The following MMP9 variants were observed in gnomAD, a reference collection of about 807,000 sequenced individuals.
The protein encoded by MMP9 is matrix metallopeptidase 9, also known as matrix metalloproteinase-9.
MMP9 carries 73 observed loss-of-function variants against 76.4 expected under a neutral mutation model. That is an observed-to-expected ratio of 0.96 (90% CI 0.79 to 1.16). The LOEUF is 1.16. MMP9 is among the 50% of genes most tolerant of loss of function. The pLI is 0.00. For synonymous variants in MMP9, 412 were observed against 408.4 expected (o/e 1.01, Z -0.11); for missense variants, 943 against 973.0 (o/e 0.97, Z 0.41).
chr20:46,010,185 C>A, intron 2 of MMP9, 87 bp downstream of exon 2: 1 of 1,244,086 alleles, frequency 8.0e-7, no homozygotes, highest in Non-Finnish European at 1.1e-6. Flanking sequence ...CTGTCTTGGA[C>A]GCGTCCCTGG....
At chr20:46,010,366 A>G in intron 2 of MMP9, 117 bp from the exon 3 acceptor site, 1 of 1,026,230 alleles carries the variant, frequency 9.7e-7, no homozygotes. Flanking sequence ...TTTATAGATG[A>G]GAGCGTGGAC....
intron 8 of MMP9, 74 bp downstream of exon 8, chr20:46,012,656 T>TGGGGGGGTG: frequency 1.0e-6 from 1 of 969,062 alleles, no homozygotes; most frequent in Non-Finnish European, 1.5e-6. Context: ...AATTGGGGGT[T>TGGGGGGGTG]GGGGATCGGG....
intron 1 of MMP9, 46 bp from the exon 2 acceptor site, chr20:46,009,820 A>G (rs1467539822): frequency 4.0e-6 from 6 of 1,517,194 alleles, no homozygotes; most frequent in South Asian, 2.4e-5. Flanking sequence ...AGCTGGGCAG[A>G]GAAAGGGGTC....
At chr20:46,015,039 G>C (rs1416666342) in intron 12 of MMP9, among the ~76,000 whole-genome samples, 1 of 152,090 alleles carries the variant, frequency 6.6e-6, no homozygotes, top group Admixed American at 6.6e-5. Flanking sequence ...AAACCATACT[G>C]GCTGTCCAGG....
chr20:46,013,934 A>T lies in MMP9; in HGVS notation c.1750+138A>T. 1 of 1,429,622 alleles carries T rather than the reference A, an allele frequency of 7.0e-7. No individual in the cohort carries two copies. The highest frequency in any genetic ancestry group is 9.5e-7 in the Non-Finnish European group (1 of 1,051,676). The allele number at this position is 1,429,622 out of a possible 1,614,324, so 88.6% of individuals were successfully genotyped here. A position where few individuals can be genotyped will look rare whatever the true frequency, so the allele number is the denominator to read the frequency against. On this transcript the variant is annotated intron_variant, in intron 10 of 12. Coordinates refer to ENST00000372330, the MANE Select transcript of MMP9 (RefSeq NM_004994.3). The surrounding 1 kb of genome is among the most constrained non-coding windows in gnomAD (Gnocchi z 4.5). ...CTGGCGGACGCAGTTTAGCAAACGTAGGGGCGGCTGAGTTTCTGCCCCCTC... is the reference window on the plus strand; with the variant it reads ...CTGGCGGACGCAGTTTAGCAAACGTTGGGGCGGCTGAGTTTCTGCCCCCTC...
chr20:46,012,476 C>A lies in MMP9; in HGVS notation c.1224C>A (p.Gly408=). 1 of 1,614,156 alleles carries A rather than the reference C, an allele frequency of 6.2e-7. No individual in the cohort carries two copies. Among genetic ancestry groups the A allele is most frequent in the Non-Finnish European group, 8.5e-7 (1 of 1,180,012 alleles). Residue 408 remains glycine, a synonymous_variant, in exon 8 of 13, where the codon GGC becomes GGA. Transcript: ENST00000372330. ...CGCATGAGTTCGGCCACGCGCTGGG[C>A]TTAGATCATTCCTCAGTGCCGGAGG... ...VAAHEFGHAL[G]LDHSSVPEAL...
chr20:46,014,359 G>C lies in MMP9; in HGVS notation c.1902-12G>C. 1 of 1,546,328 alleles carries C rather than the reference G, an allele frequency of 6.5e-7. No homozygotes were observed. The highest frequency in any genetic ancestry group is 2.4e-5 in the East Asian group (1 of 40,914). On this transcript the variant is annotated splice_polypyrimidine_tract_variant and intron_variant, in intron 11 of 12. Transcript: ENST00000372330. ...CCGGCTCAGCACCTGTCTCCTCCGC[G>C]CCTGCCCGCAGGTTCGACGTGAAGG...
Position 46,013,694 on chromosome 20 carries a change from C to G in MMP9, c.1648C>G (p.Pro550Ala). 6.2e-7 allele frequency: 1 copy of G among 1,613,826 alleles called. No homozygotes were observed. Among genetic ancestry groups the G allele is most frequent in the African/African-American group, 1.3e-5 (1 of 74,976 alleles). The change falls in exon 10 of 13, where the codon CCG becomes GCG. Residue 550 changes from proline (P) to alanine (A), a missense_variant. Pro to Ala is a conservative substitution (Grantham distance 27). Transcript: ENST00000372330. This position sits in a 1 kb window ranked among gnomAD's most constrained non-coding sequence, Gnocchi z 4.5. ...ATTCTCTGAGGGCAGGGGGAGCCGG[C>G]CGCAGGGCCCCTTCCTTATCGCCGA... ...WRFSEGRGSR[P>A]QGPFLIADKW...
intron 8 of MMP9, 143 bp downstream of exon 8, chr20:46,012,725 G>C: frequency 1.6e-6 from 2 of 1,243,268 alleles, no homozygotes; most frequent in South Asian, 2.8e-5. Context: ...AGCAGAGCCT[G>C]GGCCCAGTCG....
In MMP9 at chr20:46,014,157, T is replaced by C; in HGVS notation, c.1784T>C (p.Val595Ala). Reference sequence around the variant, plus strand: ...GTGTGGGTGTACACAGGCGCGTCGGTGCTGGGCCCGAGGCGTCTGGACAAG... The same window carrying C: ...GTGTGGGTGTACACAGGCGCGTCGGCGCTGGGCCCGAGGCGTCTGGACAAG... ...RQVWVYTGASVLGPRRLDKLG... is the reference protein window; with the variant it reads ...RQVWVYTGASALGPRRLDKLG... The change falls in exon 11 of 13, where the codon GTG (valine) becomes GCG (alanine). Residue 595 changes from valine (V) to alanine (A), a missense_variant. Transcript: ENST00000372330. The C allele has an allele frequency of 6.5e-7, 1 of 1,537,372 alleles. No homozygotes were observed. The highest frequency in any genetic ancestry group is 8.7e-7 in the Non-Finnish European group (1 of 1,146,452).
chr20:46,010,329 A>ACAAACAAAC (rs61268200), intron 2 of MMP9, among the ~76,000 whole-genome samples, 154 bp from the exon 3 acceptor site: 1 of 143,740 alleles, frequency 7.0e-6, no homozygotes, highest in Non-Finnish European at 1.5e-5. Context: ...GACAAAAAAA[A>ACAAACAAAC]AAAAAAAAAA....
Position 46,012,417 on chromosome 20 carries a change from C to T in MMP9, c.1175-10C>T. The T allele has an allele frequency of 6.2e-7, 1 of 1,614,048 alleles. No individual in the cohort carries two copies. On this transcript the variant is annotated splice_polypyrimidine_tract_variant and intron_variant, in intron 7 of 12. Coordinates refer to ENST00000372330, the MANE Select transcript of MMP9 (RefSeq NM_004994.3). The stretch of plus-strand genomic sequence containing the variant: ...CCGGCGCTCACGTCTCAGGCTCCCT[C>T]TCCCTCCAGGATACAGTTTGTTCCT...
In MMP9 at chr20:46,010,333, A is replaced by AAC. The variant is rs1555856969; in HGVS notation, c.372-149_372-148insCA. On this transcript the variant is annotated intron_variant, in intron 2 of 12. Coordinates refer to ENST00000372330, the MANE Select transcript of MMP9 (RefSeq NM_004994.3). Reference sequence around the variant, plus strand: ...GGGTCTAAGTAGACAAAAAAAAAAAAAAAAAAAACAGTCTGGAAGCAATTT... The same window carrying AAC: ...GGGTCTAAGTAGACAAAAAAAAAAAAACAAAAAAAACAGTCTGGAAGCAATTT... The AAC allele has an allele frequency of 5.7e-5, 47 of 828,922 alleles. 2 individuals carry two copies. The African/African-American group carries it at 9.0e-4, about 16-fold the overall frequency. The allele number at this position is 828,922 out of a possible 1,614,324, so 51.3% of individuals were successfully genotyped here. A position where few individuals can be genotyped will look rare whatever the true frequency, so the allele number is the denominator to read the frequency against.
In MMP9 at chr20:46,010,948, G is replaced by C; in HGVS notation, c.547G>C (p.Gly183Arg). 6.2e-7 allele frequency: 1 copy of C among 1,614,220 alleles called. No individual in the cohort carries two copies. The highest frequency in any genetic ancestry group is 8.5e-7 in the Non-Finnish European group (1 of 1,180,034). Residue 183 changes from glycine to arginine, a missense_variant, in exon 4 of 13, where the codon GGG becomes CGG. Physicochemically the swap from Gly to Arg is moderately radical, Grantham distance 125. Coordinates refer to ENST00000372330, the MANE Select transcript of MMP9 (RefSeq NM_004994.3). ...AEHGDGYPFD[G>R]KDGLLAHAFP... Reference sequence around the variant, plus strand: ...GCACGGAGACGGGTATCCCTTCGACGGGAAGGACGGGCTCCTGGCACACGC... The same window carrying C: ...GCACGGAGACGGGTATCCCTTCGACCGGAAGGACGGGCTCCTGGCACACGC...
At position 46,010,635 on chromosome 20, in the gene MMP9, A is replaced by G. The variant is rs953059929; in HGVS notation, c.520+4A>G. The G allele has an allele frequency of 1.9e-6, 3 of 1,612,364 alleles. No individual in the cohort carries two copies. The highest frequency in any genetic ancestry group is 2.7e-5 in the African/African-American group (2 of 74,916). On this transcript the variant is annotated splice_donor_region_variant and intron_variant, in intron 3 of 12. Transcript: ENST00000372330. Reference sequence around the variant, plus strand: ...GTCATCCAGTTTGGTGTCGCGGGTGAGAACGTGAGGAGGGAAAATCCAAGA... The same window carrying G: ...GTCATCCAGTTTGGTGTCGCGGGTGGGAACGTGAGGAGGGAAAATCCAAGA...
intron 6 of MMP9, 126 bp downstream of exon 6, chr20:46,011,873 C>G (rs2084282163): frequency 8.3e-7 from 1 of 1,211,964 alleles, no homozygotes; most frequent in Non-Finnish European, 1.2e-6. Flanking sequence ...GACCGTGACT[C>G]CGCCCACCTA....
Position 46,012,445 on chromosome 20 carries a change from T to C in MMP9, c.1193T>C (p.Val398Ala). The change falls in exon 8 of 13, where the codon GTG (valine) becomes GCG (alanine). Residue 398 changes from valine to alanine, a missense_variant. Physicochemically the swap from Val to Ala is moderately conservative, Grantham distance 64 (BLOSUM62 0). Transcript: ENST00000372330. Reference protein sequence around the residue: ...CPDQGYSLFLVAAHEFGHALG... With the variant: ...CPDQGYSLFLAAAHEFGHALG... ...CCTCCAGGATACAGTTTGTTCCTCG[T>C]GGCGGCGCATGAGTTCGGCCACGCG... 2 of 1,614,138 alleles carry C rather than the reference T, an allele frequency of 1.2e-6. No homozygotes were observed. The highest frequency in any genetic ancestry group is 1.1e-5 in the South Asian group (1 of 91,092).
chr20:46,011,693 G>C lies in MMP9; in HGVS notation c.943G>C (p.Ala315Pro). 1 of 1,613,632 alleles carries C rather than the reference G, an allele frequency of 6.2e-7. No homozygotes were observed. Among genetic ancestry groups the C allele is most frequent in the Non-Finnish European group, 8.5e-7 (1 of 1,179,984 alleles). Residue 315 changes from alanine (A) to proline (P), a missense_variant, in exon 6 of 13, where the codon GCC becomes CCC. Ala to Pro is a conservative substitution (Grantham distance 27). Coordinates refer to ENST00000372330, the MANE Select transcript of MMP9 (RefSeq NM_004994.3). The part of the protein sequence containing the change: ...DGRSDGYRWC[A>P]TTANYDRDKL... ...TCGCTCCGACGGCTACCGCTGGTGC[G>C]CCACCACCGCCAACTACGACCGGGA...
Position 46,010,971 on chromosome 20 carries a change from C to G in MMP9, c.570C>G (p.His190Gln). Residue 190 changes from histidine (H) to glutamine (Q), a missense_variant, in exon 4 of 13, where the codon CAC becomes CAG. Transcript: ENST00000372330. ...ACGGGAAGGACGGGCTCCTGGCACA[C>G]GCCTTTCCTCCTGGCCCCGGCATTC... is the stretch of plus-strand genomic sequence containing the variant. ...PFDGKDGLLAHAFPPGPGIQG... is the reference protein window; with the variant it reads ...PFDGKDGLLAQAFPPGPGIQG... 1.2e-6 allele frequency: 2 copies of G among 1,614,230 alleles called. No homozygotes were observed. Among genetic ancestry groups the G allele is most frequent in the Non-Finnish European group, 1.7e-6 (2 of 1,180,046 alleles).
Sources: allele counts gnomAD v4.1 joint callset (sites outside exome capture counted in the v4.1 genomes callset), GRCh38; gene constraint gnomAD v4.1.1; non-coding constraint Gnocchi (gnomAD v3.1); transcripts MANE v1.5; gene names NCBI Gene and HGNC (gene_info 2026-07-23, HGNC 2026-07-21).